LRRK1: variants seen among roughly 807,000 people sequenced by gnomAD.
LRRK1 encodes leucine-rich repeat serine/threonine-protein kinase 1.
LRRK1 carries 113 observed loss-of-function variants against 209.1 expected under a neutral mutation model. The ratio of observed to expected loss-of-function variants is 0.54; its 90% CI spans 0.46 to 0.63. LRRK1 has a LOEUF of 0.63. LRRK1 is among the 30% of genes least tolerant of loss of function. The pLI, the probability that LRRK1 is intolerant of heterozygous loss-of-function variation, is 0.00. For synonymous variants in LRRK1, 1,144 were observed against 1,099.7 expected (o/e 1.04, Z -0.80); for missense variants, 2,284 against 2,632.2 (o/e 0.87, Z 2.89).
rs761113327 is a variant in LRRK1, at chr15:101,051,758, G to A, written c.3487G>A (p.Val1163Met). 9.3e-6 allele frequency: 15 copies of A among 1,613,874 alleles called. No homozygotes were observed. Among genetic ancestry groups the A allele is most frequent in the Non-Finnish European group, 1.2e-5 (14 of 1,180,028 alleles). The stretch of plus-strand genomic sequence containing the variant: ...CGGGACGCCACTCATGGAGCAGTAC[G>A]TGCCCTGCCCGGTCTGCGAGACAGC... The part of the protein sequence containing the change: ...SDGTPLMEQY[V>M]PCPVCETAWA... Residue 1163 changes from valine (V) to methionine (M), a missense_variant, in exon 24 of 34, where the codon GTG becomes ATG. Transcript: ENST00000388948.
At chr15:101,018,816 C>T (rs1321071530) in intron 12 of LRRK1, among the ~76,000 whole-genome samples, 1 of 152,166 alleles carries the variant, frequency 6.6e-6, no homozygotes, top group Non-Finnish European at 1.5e-5. Context: ...AGTTGAGGCC[C>T]ACACCTGAGT....
At chr15:100,996,367 G>C (rs1311564273) in intron 6 of LRRK1, among the ~76,000 whole-genome samples, 2 of 152,246 alleles carry the variant, frequency 1.3e-5, no homozygotes, top group East Asian at 1.9e-4. Context: ...GCCAGGGCTG[G>C]GGCATGGACC....
chr15:100,982,088 G>T lies in LRRK1; in HGVS notation c.262-1440G>T, dbSNP rs531690638. ...CCATCCCTGGCATCCTGAGTGCCCA[G>T]TCCCACTCTCACACACAGTAGATCC... On this transcript the variant is annotated intron_variant, in intron 3 of 33. Coordinates refer to ENST00000388948, the MANE Select transcript of LRRK1 (RefSeq NM_024652.6). 1.5e-4 allele frequency among the ~76,000 whole-genome samples: 23 copies of T among 151,776 alleles called. 1 individual carries two copies. Among genetic ancestry groups the T allele is most frequent in the Admixed American group, 1.5e-3 (23 of 15,246 alleles).
At chr15:100,959,989 G>T (rs1007875996) in intron 2 of LRRK1, among the ~76,000 whole-genome samples, 3 of 152,116 alleles carry the variant, frequency 2.0e-5, no homozygotes, top group African/African-American at 7.2e-5. Context: ...TTGGGAGGAA[G>T]TTAAATCCAG....
chr15:100,946,804 A>T (rs1371587676), intron 2 of LRRK1, among the ~76,000 whole-genome samples: 1 of 152,228 alleles, frequency 6.6e-6, no homozygotes, highest in Non-Finnish European at 1.5e-5. Context: ...ACTTGAATGA[A>T]TGTTGAACAA....
rs1053756641 is a variant in LRRK1 at position 101,027,554 on chromosome 15, C to A, written c.2527-84C>A. 4.5e-6 allele frequency: 7 copies of A among 1,551,402 alleles called. No individual in the cohort carries two copies. The African/African-American group carries it at 5.4e-5, about 12-fold the overall frequency. On this transcript the variant is annotated intron_variant, in intron 18 of 33. Transcript: ENST00000388948. The surrounding 1 kb of genome is among the most constrained non-coding windows in gnomAD (Gnocchi z 5.1). Reference sequence around the variant, plus strand: ...GGTGGAAACGTCCCACCCCCTCAGGCCACAGGGGCCGGGCAGGATCTGCCC... The same window carrying A: ...GGTGGAAACGTCCCACCCCCTCAGGACACAGGGGCCGGGCAGGATCTGCCC...
chr15:101,010,533 C>G lies in LRRK1; in HGVS notation c.1073C>G (p.Thr358Arg), dbSNP rs767309864. 6.2e-7 allele frequency: 1 copy of G among 1,612,214 alleles called. No individual in the cohort carries two copies. Among genetic ancestry groups the G allele is most frequent in the Non-Finnish European group, 8.5e-7 (1 of 1,179,554 alleles). The change falls in exon 8 of 34, where the codon ACA becomes AGA. Residue 358 changes from threonine (T) to arginine (R), a missense_variant. Transcript: ENST00000388948. ...FLHLSKLQKL[T>R]ASKNCLEKLF... is the part of the protein sequence containing the mutation. ...CACCTCTCAAAACTTCAAAAACTGA[C>G]AGCTTCAAAAAATTGTTTAGAAAAA...
At chr15:100,930,365 G>A (rs919127566) in intron 2 of LRRK1, among the ~76,000 whole-genome samples, 7 of 152,134 alleles carry the variant, frequency 4.6e-5, no homozygotes, top group African/African-American at 1.7e-4. Flanking sequence ...TAATTATTAG[G>A]CCATACACAC....
In LRRK1 at chr15:101,009,635, TG is replaced by T. The variant is rs571726388; in HGVS notation, c.989+574del. Among the ~76,000 whole-genome samples the T allele has an allele frequency of 5.3e-5, 8 of 152,300 alleles. No homozygotes were observed. In the East Asian group the frequency reaches 1.5e-3, roughly 29 times the overall value. On this transcript the variant is annotated intron_variant, in intron 7 of 33. Transcript: ENST00000388948. ...ACGGAGTCTCACTCTGCTGCCCAAC[TG>T]GAGTGCAGTGGCATAATCTCGGCTC...
rs949992644 is a variant in LRRK1 at position 101,022,232 on chromosome 15, G to A, written c.1853-151G>A. On this transcript the variant is annotated intron_variant, in intron 14 of 33. Transcript: ENST00000388948. The surrounding 1 kb of genome is among the most constrained non-coding windows in gnomAD (Gnocchi z 4.0). ...AGAGTTCGCTTTTAGGGTGGTTAGT[G>A]TCATGCCTTCCCTCCCCCTGATCCA... The A allele has an allele frequency of 5.1e-6, 4 of 782,896 alleles. No individual in the cohort carries two copies. The Admixed American group carries it at 1.0e-4, about 20-fold the overall frequency. The allele number at this position is 782,896 out of a possible 1,614,324, so 48.5% of individuals were successfully genotyped here.
intron 6 of LRRK1, among the ~76,000 whole-genome samples, chr15:100,997,659 C>T (rs2032481995): frequency 6.6e-6 from 1 of 152,228 alleles, no homozygotes; most frequent in Admixed American, 6.5e-5. Context: ...GCAACGGACA[C>T]ACCAGGGTCT....
chr15:100,959,927 A>G (rs1455138390), intron 2 of LRRK1, among the ~76,000 whole-genome samples: 1 of 152,050 alleles, frequency 6.6e-6, no homozygotes, highest in Non-Finnish European at 1.5e-5. Flanking sequence ...CCTCATCCTA[A>G]ATGTTCCTTT....
intron 3 of LRRK1, 76 bp downstream of exon 3, chr15:100,974,043 C>T (rs2031143302): frequency 2.6e-6 from 3 of 1,172,584 alleles, no homozygotes; most frequent in Non-Finnish European, 3.2e-6. Flanking sequence ...ATGATTTTCT[C>T]GTTATTGTCA....
intron 6 of LRRK1, among the ~76,000 whole-genome samples, chr15:101,000,662 C>T (rs1048338100): frequency 1.9e-4 from 29 of 152,158 alleles, no homozygotes; most frequent in African/African-American, 6.3e-4. Context: ...ACATCTCCCC[C>T]GTCATCTGCT....
rs751030086 is a variant in LRRK1 at position 101,051,947 on chromosome 15, G to A, written c.3676G>A (p.Asp1226Asn). The A allele has an allele frequency of 6.8e-6, 11 of 1,612,984 alleles. No homozygotes were observed. The highest frequency in any genetic ancestry group is 9.3e-6 in the Non-Finnish European group (11 of 1,179,528). ...QELVPELFMT[D>N]FPARLFLENS... ...GCTGGTCCCTGAACTGTTCATGACC[G>A]ACTTCCCGGCCAGGTATGCCCCGAA... is the stretch of plus-strand genomic sequence containing the variant. Residue 1226 changes from aspartate to asparagine, a missense_variant, in exon 24 of 34, where the codon GAC becomes AAC. Physicochemically the swap from Asp to Asn is conservative, Grantham distance 23. Coordinates refer to ENST00000388948, the MANE Select transcript of LRRK1 (RefSeq NM_024652.6).
intron 2 of LRRK1, among the ~76,000 whole-genome samples, chr15:100,971,446 G>A (rs765690473): frequency 6.6e-6 from 1 of 152,184 alleles, no homozygotes; most frequent in African/African-American, 2.4e-5. Flanking sequence ...GTTGGGTTTA[G>A]CTTGAGAGCT....
chr15:101,036,143 A>G (rs2034486159), intron 20 of LRRK1, among the ~76,000 whole-genome samples: 1 of 152,198 alleles, frequency 6.6e-6, no homozygotes, highest in African/African-American at 2.4e-5. Context: ...TGCTAGACGT[A>G]GGAAGTTTTC....
chr15:100,955,109 T>A (rs2042727124), intron 2 of LRRK1, among the ~76,000 whole-genome samples: 1 of 152,244 alleles, frequency 6.6e-6, no homozygotes. Flanking sequence ...ATGGACATTT[T>A]AACAGTATTA....
At chr15:100,980,306 A>G (rs2031529790) in intron 3 of LRRK1, among the ~76,000 whole-genome samples, 1 of 152,040 alleles carries the variant, frequency 6.6e-6, no homozygotes, top group African/African-American at 2.4e-5. Flanking sequence ...AAAAAAGCCA[A>G]TCTCAAAAGA....
Sources: allele counts gnomAD v4.1 joint callset (sites outside exome capture counted in the v4.1 genomes callset), GRCh38; gene constraint gnomAD v4.1.1; non-coding constraint Gnocchi (gnomAD v3.1); transcripts MANE v1.5; gene names NCBI Gene and HGNC (gene_info 2026-07-23, HGNC 2026-07-21).